Variants in RNF38 observed in about 807,000 individuals in gnomAD.
The protein encoded by RNF38 is E3 ubiquitin-protein ligase RNF38.
Under a neutral mutation model 67.2 loss-of-function variants are expected in RNF38, and 15 were observed. The observed-to-expected ratio is 0.22, with a 90% CI of 0.15 to 0.34. RNF38 has a LOEUF of 0.34. Ranked by LOEUF, RNF38 falls within the 10% of genes least tolerant of loss-of-function variation. The pLI, the probability that RNF38 is intolerant of heterozygous loss-of-function variation, is 1.00. For synonymous variants in RNF38, 220 were observed against 218.8 expected (o/e 1.01, Z -0.05); for missense variants, 524 against 639.9 (o/e 0.82, Z 1.95).
intron 1 of RNF38, among the ~76,000 whole-genome samples, chr9:36,443,013 T>G (rs1044592749): frequency 6.6e-6 from 1 of 152,218 alleles, no homozygotes; most frequent in Non-Finnish European, 1.5e-5. Context: ...CACAGTGATG[T>G]CCCTCCACAT....
intron 1 of RNF38, among the ~76,000 whole-genome samples, chr9:36,483,538 G>C (rs1364930233): frequency 6.6e-6 from 1 of 152,124 alleles, no homozygotes; most frequent in African/African-American, 2.4e-5. Flanking sequence ...AAACACATCA[G>C]GACTAAGGAA....
intron 1 of RNF38, among the ~76,000 whole-genome samples, chr9:36,425,555 G>A (rs538510000): frequency 1.4e-4 from 22 of 152,166 alleles, no homozygotes; most frequent in East Asian, 5.8e-4. Context: ...TTAGCCACGC[G>A]TGGTGGCGCA....
intron 1 of RNF38, among the ~76,000 whole-genome samples, chr9:36,399,797 AAG>A (rs1180027949): frequency 2.0e-5 from 3 of 152,162 alleles, no homozygotes; most frequent in Non-Finnish European, 4.4e-5. Flanking sequence ...GCCTACATAC[AAG>A]GTTTGTTTGC....
intron 2 of RNF38, among the ~76,000 whole-genome samples, chr9:36,389,417 T>C (rs953483266): frequency 5.3e-5 from 8 of 151,842 alleles, no homozygotes; most frequent in South Asian, 4.2e-4. Context: ...CACAAATACA[T>C]AGTAGACAAG....
intron 1 of RNF38, among the ~76,000 whole-genome samples, chr9:36,450,721 C>T (rs886659304): frequency 2.0e-5 from 3 of 152,036 alleles, no homozygotes; most frequent in Admixed American, 6.6e-5. Context: ...TTGAGAACAG[C>T]CTGGCCAACA....
At chr9:36,364,074 C>T (rs76762640) in intron 4 of RNF38, among the ~76,000 whole-genome samples, 13,979 of 58,718 alleles carry the variant, frequency 0.24, 2,326 homozygotes, top group Non-Finnish European at 0.36. Context: ...AAGGGATCTG[C>T]CCACTTCAGC....
rs759677869 is a variant in RNF38, at chr9:36,400,079, C to G, written c.12+18G>C. The stretch of plus-strand genomic sequence containing the variant: ...AATAGCATATATCATTTTTGCAACA[C>G]AAAGAAAAATACTTTACCTTACAAG... On this transcript the variant is annotated intron_variant, in intron 1 of 11. Transcript: ENST00000259605. 10 of 1,609,566 alleles carry G rather than the reference C, an allele frequency of 6.2e-6. No homozygotes were observed. Among genetic ancestry groups the G allele is most frequent in the Non-Finnish European group, 7.6e-6 (9 of 1,177,430 alleles).
At chr9:36,485,443 TTATC>T (rs1246393598) in intron 1 of RNF38, among the ~76,000 whole-genome samples, 3 of 152,184 alleles carry the variant, frequency 2.0e-5, no homozygotes, top group African/African-American at 7.2e-5. Context: ...ATATACAAGC[TTATC>T]TATCCACAAC....
intron 9 of RNF38, among the ~76,000 whole-genome samples, chr9:36,346,134 T>C (rs1044436649): frequency 6.6e-6 from 1 of 152,234 alleles, no homozygotes; most frequent in African/African-American, 2.4e-5. Flanking sequence ...TGAGACCACC[T>C]AATTTCTTTT....
At chr9:36,363,130 CTG>C (rs1834696057) in intron 4 of RNF38, among the ~76,000 whole-genome samples, 1 of 100,070 alleles carries the variant, frequency 1.0e-5, no homozygotes, top group South Asian at 3.5e-4. Context: ...GGGTCTCACT[CTG>C]TCACCCAGGC....
intron 1 of RNF38, among the ~76,000 whole-genome samples, chr9:36,477,079 T>C (rs1367466267): frequency 6.6e-6 from 1 of 151,968 alleles, no homozygotes; most frequent in Non-Finnish European, 1.5e-5. Context: ...ATCCCAGCAC[T>C]TTGGGGGGCT....
chr9:36,389,427 G>A (rs1408524497), intron 2 of RNF38, among the ~76,000 whole-genome samples: 1 of 151,394 alleles, frequency 6.6e-6, no homozygotes, highest in Non-Finnish European at 1.5e-5. Flanking sequence ...TAGTAGACAA[G>A]ATACAGCTAA....
chr9:36,466,099 T>C lies in RNF38; in HGVS notation n.241+21209A>G, dbSNP rs149721880. 4.7e-4 allele frequency among the ~76,000 whole-genome samples: 71 copies of C among 152,308 alleles called. 1 individual carries two copies. The East Asian group carries it at 4.8e-3, about 10-fold the overall frequency. Reference sequence around the variant, plus strand: ...CAAAGTGCTGATACATGTCACAACATAGATGAACCTGAAAATACTATCTAT... The same window carrying C: ...CAAAGTGCTGATACATGTCACAACACAGATGAACCTGAAAATACTATCTAT... On this transcript the variant is annotated intron_variant and non_coding_transcript_variant, in intron 1 of 3. Coordinates refer to the RNF38 transcript ENST00000488058.
rs1188032224 is a variant in RNF38 at position 36,423,830 on chromosome 9, T to A, written n.312+783A>T. 6.9e-5 allele frequency among the ~76,000 whole-genome samples: 6 copies of A among 86,778 alleles called. 2 individuals are homozygous for A. The highest frequency in any genetic ancestry group is 7.7e-4 in the South Asian group (2 of 2,602). 56.9% of individuals were successfully genotyped at this position (86,778 alleles called of 152,430 possible). ...CGGGCGTGGTGGCGGGCGCCTGTAG[T>A]CCCAGCTACTCGGGAGGCTGAGGCA... On this transcript the variant is annotated intron_variant and non_coding_transcript_variant, in intron 2 of 3. Transcript: ENST00000488058.
chr9:36,471,968 T>C (rs1201205342), intron 1 of RNF38, among the ~76,000 whole-genome samples: 1 of 152,226 alleles, frequency 6.6e-6, no homozygotes, highest in Admixed American at 6.5e-5. Flanking sequence ...AAGAGGAATG[T>C]TTCTTTTTTT....
Position 36,369,847 on chromosome 9 carries a change from G to C in RNF38, c.442C>G (p.Pro148Ala). Reference protein sequence around the residue: ...ISQDENYHHLPYAQQQAIEEP... With the variant: ...ISQDENYHHLAYAQQQAIEEP... ...TCTATTGCTTGCTGCTGTGCGTAAG[G>C]GAGATGGTGATAGTTTTCATCTTGA... Residue 148 changes from proline (P) to alanine (A), a missense_variant, in exon 4 of 12, where the codon CCT (proline) becomes GCT (alanine). By Grantham distance (27) the Pro-to-Ala change is conservative. Coordinates refer to ENST00000259605, the MANE Select transcript of RNF38 (RefSeq NM_022781.5). The C allele has an allele frequency of 4.3e-6, 7 of 1,613,894 alleles. No individual in the cohort carries two copies. Among genetic ancestry groups the C allele is most frequent in the Non-Finnish European group, 5.9e-6 (7 of 1,180,024 alleles).
rs1378700533 is a variant in RNF38 at position 36,392,862 on chromosome 9, A to ATT, written c.13-2247_13-2246insAA. On this transcript the variant is annotated intron_variant, in intron 1 of 11. Transcript: ENST00000259605. Reference sequence around the variant, plus strand: ...TTTTGAAACCCAGATGCAAGCAGCCAACTGTAACATAATATTTAAAGGCCA... The same window carrying ATT: ...TTTTGAAACCCAGATGCAAGCAGCCATTACTGTAACATAATATTTAAAGGCCA... Among the ~76,000 whole-genome samples, 3 of 152,320 alleles carry ATT rather than the reference A, an allele frequency of 2.0e-5. No individual in the cohort carries two copies. In the East Asian group the frequency reaches 5.8e-4, roughly 29 times the overall value.
At chr9:36,403,458 C>G (rs1461612916), upstream of RNF38, among the ~76,000 whole-genome samples, 2 of 152,156 alleles carry the variant, frequency 1.3e-5, no homozygotes, top group Non-Finnish European at 2.9e-5. Context: ...GGCTACGGGA[C>G]AGTACAGCAT....
intron 1 of RNF38, among the ~76,000 whole-genome samples, 189 bp downstream of exon 1, chr9:36,399,908 A>G (rs1837867584): frequency 6.6e-6 from 1 of 152,232 alleles, no homozygotes; most frequent in Non-Finnish European, 1.5e-5. Context: ...TAACAACTGT[A>G]TTATGAGCTT....
Sources: allele counts gnomAD v4.1 joint callset (sites outside exome capture counted in the v4.1 genomes callset), GRCh38; gene constraint gnomAD v4.1.1; transcripts MANE v1.5; gene names NCBI Gene and HGNC (gene_info 2026-07-23, HGNC 2026-07-21).